TTC39B: variants seen among roughly 807,000 people sequenced by gnomAD.
TTC39B encodes the protein tetratricopeptide repeat domain 39B, also known as tetratricopeptide repeat protein 39B.
Under a neutral mutation model 96.6 loss-of-function variants are expected in TTC39B, and 92 were observed. The ratio of observed to expected loss-of-function variants is 0.95; its 90% CI spans 0.80 to 1.13. The LOEUF is 1.13. Among genes scored for constraint, TTC39B ranks in the 50% most tolerant of loss-of-function variants. The pLI is 0.00. For synonymous variants in TTC39B, 367 were observed against 299.4 expected (o/e 1.23, Z -2.33); for missense variants, 955 against 809.3 (o/e 1.18, Z -2.18).
chr9:15,235,811 G>C (rs1821751744), intron 2 of TTC39B, among the ~76,000 whole-genome samples: 1 of 152,132 alleles, frequency 6.6e-6, no homozygotes, highest in Admixed American at 6.6e-5. Flanking sequence ...AATGCTGAAG[G>C]GAATTCTAAA....
chr9:15,245,352 C>T (rs1178942361), intron 2 of TTC39B, among the ~76,000 whole-genome samples: 1 of 152,114 alleles, frequency 6.6e-6, no homozygotes, highest in Non-Finnish European at 1.5e-5. Flanking sequence ...GAAGAAGGAG[C>T]ATATAAATAT....
chr9:15,194,312 T>C (rs942897133), intron 8 of TTC39B, among the ~76,000 whole-genome samples: 1 of 152,222 alleles, frequency 6.6e-6, no homozygotes, highest in South Asian at 2.1e-4. Flanking sequence ...TATGGACTTT[T>C]TTCGTCTTAA....
intron 2 of TTC39B, among the ~76,000 whole-genome samples, chr9:15,234,792 G>A (rs1021046791): frequency 1.4e-4 from 21 of 151,630 alleles, no homozygotes; most frequent in Non-Finnish European, 2.2e-4. Flanking sequence ...GATTAAGGGC[G>A]GTGCAAGATG....
chr9:15,208,137 G>A (rs543125025), intron 6 of TTC39B, among the ~76,000 whole-genome samples: 11 of 151,496 alleles, frequency 7.3e-5, no homozygotes, highest in South Asian at 6.3e-4. Flanking sequence ...TCAAGCTCCC[G>A]CCTCAGCCTC....
chr9:15,231,507 AATGTC>A (rs1821420452), intron 2 of TTC39B, among the ~76,000 whole-genome samples: 2 of 152,184 alleles, frequency 1.3e-5, no homozygotes, highest in South Asian at 4.1e-4. Flanking sequence ...TCTTTGGAGT[AATGTC>A]TATTCAGATT....
intron 1 of TTC39B, among the ~76,000 whole-genome samples, chr9:15,289,140 C>T (rs1382237804): frequency 6.6e-6 from 1 of 152,194 alleles, no homozygotes; most frequent in Middle Eastern, 3.2e-3. Context: ...AAGTGCCTTG[C>T]CCTTGGTTAC....
intron 1 of TTC39B, among the ~76,000 whole-genome samples, chr9:15,290,971 GC>G (rs1483442990): frequency 6.6e-6 from 1 of 152,310 alleles, no homozygotes; most frequent in African/African-American, 2.4e-5. Context: ...GTAATGCAAA[GC>G]ACACCTTAAT....
intron 3 of TTC39B, among the ~76,000 whole-genome samples, chr9:15,216,550 T>A (rs577125184): frequency 6.6e-6 from 1 of 152,262 alleles, no homozygotes; most frequent in East Asian, 1.9e-4. Context: ...GCCTGACACC[T>A]CCTATAACAG....
chr9:15,282,957 G>A (rs1182646189), intron 1 of TTC39B, among the ~76,000 whole-genome samples: 1 of 152,200 alleles, frequency 6.6e-6, no homozygotes, highest in Non-Finnish European at 1.5e-5. Context: ...CTGAGCCAGA[G>A]CTGTACAGAC....
chr9:15,228,382 T>G (rs562256187), intron 2 of TTC39B, among the ~76,000 whole-genome samples: 2 of 152,278 alleles, frequency 1.3e-5, no homozygotes, highest in African/African-American at 2.4e-5. Flanking sequence ...GAGAATTGCT[T>G]GAACCCGGGA....
At chr9:15,271,342 C>T (rs1823345616) in intron 1 of TTC39B, among the ~76,000 whole-genome samples, 1 of 152,160 alleles carries the variant, frequency 6.6e-6, no homozygotes, top group Non-Finnish European at 1.5e-5. Context: ...AAGACTACCT[C>T]AAAGATTATG....
chr9:15,217,123 G>C (rs553171650), intron 3 of TTC39B, among the ~76,000 whole-genome samples: 1 of 152,290 alleles, frequency 6.6e-6, no homozygotes, highest in African/African-American at 2.4e-5. Context: ...AATGAGGACA[G>C]AAAACAGGCA....
chr9:15,273,240 T>C (rs897854463), intron 1 of TTC39B, among the ~76,000 whole-genome samples: 13 of 152,360 alleles, frequency 8.5e-5, no homozygotes, highest in African/African-American at 2.6e-4. Flanking sequence ...ACAGTAGTAA[T>C]GTCAATACTC....
At chr9:15,233,872 A>C (rs1586929522) in intron 2 of TTC39B, among the ~76,000 whole-genome samples, 2 of 149,774 alleles carry the variant, frequency 1.3e-5, no homozygotes, top group Non-Finnish European at 3.0e-5. Flanking sequence ...GAAAGTGAGG[A>C]GCGTCTCTGC....
intron 2 of TTC39B, among the ~76,000 whole-genome samples, chr9:15,235,568 G>C (rs1202821988): frequency 2.0e-5 from 3 of 151,872 alleles, no homozygotes; most frequent in Non-Finnish European, 2.9e-5. Context: ...TAGAAAGAAG[G>C]GTCAAATCAC....
intron 2 of TTC39B, among the ~76,000 whole-genome samples, chr9:15,239,045 A>G (rs1821916630): frequency 1.3e-5 from 2 of 152,196 alleles, no homozygotes; most frequent in Admixed American, 6.5e-5. Flanking sequence ...CAGAATCTAC[A>G]AGGAACTCAA....
chr9:15,193,024 C>T (rs1007890091), intron 8 of TTC39B, among the ~76,000 whole-genome samples: 4 of 152,160 alleles, frequency 2.6e-5, no homozygotes, highest in Non-Finnish European at 5.9e-5. Context: ...ACAGCGGACT[C>T]CCTGCAAGCG....
At chr9:15,201,325 ATACC>A (rs1819526606) in intron 7 of TTC39B, among the ~76,000 whole-genome samples, 1 of 152,042 alleles carries the variant, frequency 6.6e-6, no homozygotes, top group African/African-American at 2.4e-5. Flanking sequence ...TGCCTATTTT[ATACC>A]AGGCACCCAA....
At chr9:15,218,038 T>C (rs1820620269) in intron 3 of TTC39B, among the ~76,000 whole-genome samples, 1 of 151,742 alleles carries the variant, frequency 6.6e-6, no homozygotes, top group South Asian at 2.1e-4. Context: ...TGAAACCCCG[T>C]CTCTACTCAA....
Sources: allele counts gnomAD v4.1 joint callset (sites outside exome capture counted in the v4.1 genomes callset), GRCh38; gene constraint gnomAD v4.1.1; transcripts MANE v1.5; gene names NCBI Gene and HGNC (gene_info 2026-07-23, HGNC 2026-07-21).